ZNF804B: variants seen among roughly 807,000 people sequenced by gnomAD.
The protein encoded by ZNF804B is zinc finger 804B.
A neutral mutation model predicts 101.4 loss-of-function variants in ZNF804B; 80 were observed. The ratio of observed to expected loss-of-function variants is 0.79; its 90% CI spans 0.66 to 0.95. The LOEUF (loss-of-function observed/expected upper bound fraction) is 0.95, where lower values mean the gene tolerates loss of function less well. Among genes scored for constraint, ZNF804B ranks in the 40% least tolerant of loss-of-function variants. The pLI is 0.00. For missense variants in ZNF804B, 1,673 were observed against 1,561.9 expected (o/e 1.07, Z -1.20); for synonymous variants, 622 against 558.8 (o/e 1.11, Z -1.59).
chr7:89,297,823 A>C (rs1468876953), intron 2 of ZNF804B, among the ~76,000 whole-genome samples: 1 of 151,824 alleles, frequency 6.6e-6, no homozygotes, highest in East Asian at 1.9e-4. Flanking sequence ...TAAGGACATT[A>C]TTTTACATAA....
chr7:89,277,393 A>G (rs1789999040), intron 2 of ZNF804B, among the ~76,000 whole-genome samples: 1 of 144,718 alleles, frequency 6.9e-6, no homozygotes, highest in South Asian at 2.2e-4. Flanking sequence ...TTAGTTACAT[A>G]TTTATACATG....
rs375970828 is a variant in ZNF804B at position 89,018,726 on chromosome 7, G to A, written c.109-199429G>A. On this transcript the variant is annotated intron_variant, in intron 1 of 3. Coordinates refer to ENST00000333190, the MANE Select transcript of ZNF804B (RefSeq NM_181646.5). Reference sequence around the variant, plus strand: ...TCTATTTCTCCTTGGTTCAATCTTGGTAGGTTGTATATGTCCAGAAATTTA... The same window carrying A: ...TCTATTTCTCCTTGGTTCAATCTTGATAGGTTGTATATGTCCAGAAATTTA... 2.6e-4 allele frequency among the ~76,000 whole-genome samples: 39 copies of A among 152,060 alleles called. No homozygotes were observed. The East Asian group carries it at 3.5e-3, about 14-fold the overall frequency.
chr7:88,927,438 T>C (rs983117663), intron 1 of ZNF804B, among the ~76,000 whole-genome samples: 2 of 152,158 alleles, frequency 1.3e-5, no homozygotes, highest in Admixed American at 6.6e-5. Flanking sequence ...ACATCACTTA[T>C]TGAAGGCCTG....
At chr7:89,105,922 T>C (rs1433608539) in intron 1 of ZNF804B, among the ~76,000 whole-genome samples, 1 of 152,152 alleles carries the variant, frequency 6.6e-6, no homozygotes, top group East Asian at 1.9e-4. Flanking sequence ...TTATATTTGC[T>C]GTTTCATTAC....
At position 88,967,372 on chromosome 7, in the gene ZNF804B, C is replaced by T. The variant is rs551227687; in HGVS notation, c.108+207288C>T. On this transcript the variant is annotated intron_variant, in intron 1 of 3. Coordinates refer to ENST00000333190, the MANE Select transcript of ZNF804B (RefSeq NM_181646.5). ...CAACCAGATCTGGTGAGAACTCACT[C>T]ACTATTACGAGGGGGAAATCCACCC... 5.3e-5 allele frequency among the ~76,000 whole-genome samples: 8 copies of T among 151,484 alleles called. No individual in the cohort carries two copies. In the East Asian group the frequency reaches 1.6e-3, roughly 30 times the overall value.
At chr7:88,929,334 CT>C (rs1792849897) in intron 1 of ZNF804B, among the ~76,000 whole-genome samples, 1 of 140,922 alleles carries the variant, frequency 7.1e-6, no homozygotes, top group African/African-American at 2.7e-5. Flanking sequence ...TACTATATCC[CT>C]AAGGTTCTGA....
chr7:88,847,479 T>C (rs542890775), intron 1 of ZNF804B, among the ~76,000 whole-genome samples: 1 of 152,132 alleles, frequency 6.6e-6, no homozygotes, highest in African/African-American at 2.4e-5. Context: ...ATTATTAAAA[T>C]ATAAAATAAA....
At chr7:88,764,356 T>A (rs1330021772) in intron 1 of ZNF804B, among the ~76,000 whole-genome samples, 1 of 152,188 alleles carries the variant, frequency 6.6e-6, no homozygotes, top group Admixed American at 6.5e-5. Context: ...TATCTTTTTC[T>A]GGGAATGCCT....
intron 1 of ZNF804B, among the ~76,000 whole-genome samples, chr7:88,873,416 G>T (rs1012722966): frequency 3.9e-5 from 6 of 152,136 alleles, no homozygotes; most frequent in African/African-American, 1.4e-4. Flanking sequence ...CCATTCTGTA[G>T]GTTGCCTGTT....
chr7:88,839,297 C>G (rs1791262113), intron 1 of ZNF804B, among the ~76,000 whole-genome samples: 1 of 151,908 alleles, frequency 6.6e-6, no homozygotes, highest in African/African-American at 2.4e-5. Flanking sequence ...TATTAGGTAC[C>G]AGGCTAAGTG....
chr7:89,315,149 C>A (rs1257468508), intron 2 of ZNF804B, among the ~76,000 whole-genome samples: 1 of 151,970 alleles, frequency 6.6e-6, no homozygotes, highest in African/African-American at 2.4e-5. Flanking sequence ...ATGGTGAGAG[C>A]GAGAGCAAGG....
At chr7:89,301,171 A>T (rs975318582) in intron 2 of ZNF804B, among the ~76,000 whole-genome samples, 2 of 150,512 alleles carry the variant, frequency 1.3e-5, no homozygotes, top group Non-Finnish European at 1.5e-5. Context: ...ATCAACAAAA[A>T]ATTCTGATAG....
intron 2 of ZNF804B, among the ~76,000 whole-genome samples, chr7:89,291,811 A>G (rs1584108462): frequency 6.6e-6 from 1 of 152,284 alleles, no homozygotes; most frequent in African/African-American, 2.4e-5. Context: ...TTTTACCCAA[A>G]GAAGACTATC....
At chr7:89,080,375 GT>G in intron 1 of ZNF804B, among the ~76,000 whole-genome samples, 1 of 151,844 alleles carries the variant, frequency 6.6e-6, no homozygotes, top group Middle Eastern at 3.4e-3. Flanking sequence ...ATAAATGGTA[GT>G]TATTATTTGA....
At chr7:89,052,987 C>G (rs28390077) in intron 1 of ZNF804B, among the ~76,000 whole-genome samples, 8,175 of 152,242 alleles carry the variant, frequency 0.054, 585 homozygotes, top group African/African-American at 0.15. Flanking sequence ...CTGTGCTTAA[C>G]AAAGTCATTG....
At chr7:89,244,256 C>T (rs1789411700) in intron 2 of ZNF804B, among the ~76,000 whole-genome samples, 1 of 151,972 alleles carries the variant, frequency 6.6e-6, no homozygotes, top group African/African-American at 2.4e-5. Context: ...TGCTATACAG[C>T]TTATGACAAA....
At chr7:89,317,059 G>A (rs1181198107) in intron 2 of ZNF804B, among the ~76,000 whole-genome samples, 1 of 152,130 alleles carries the variant, frequency 6.6e-6, no homozygotes, top group Non-Finnish European at 1.5e-5. Flanking sequence ...TATTGAGAAA[G>A]CCCAACCCCA....
intron 2 of ZNF804B, among the ~76,000 whole-genome samples, chr7:89,243,971 T>G (rs1789409085): frequency 6.6e-6 from 1 of 151,996 alleles, no homozygotes; most frequent in Non-Finnish European, 1.5e-5. Context: ...TTTAACTAGC[T>G]TTAACACATC....
At chr7:89,018,347 T>G (rs1788604220) in intron 1 of ZNF804B, among the ~76,000 whole-genome samples, 1 of 152,176 alleles carries the variant, frequency 6.6e-6, no homozygotes, top group African/African-American at 2.4e-5. Flanking sequence ...CATTTTTGTG[T>G]TCCTTGAGTA....
Sources: gnomAD v4.1 joint callset for allele counts (sites outside exome capture counted in the v4.1 genomes callset) on GRCh38, gnomAD v4.1.1 for gene constraint, MANE v1.5 for transcripts, NCBI Gene and HGNC (gene_info 2026-07-23, HGNC 2026-07-21) for gene names.